Variants in ENDOU observed in about 807,000 individuals in gnomAD.
The protein encoded by ENDOU is endonuclease, poly(U) specific.
ENDOU carries 49 observed loss-of-function variants against 54.2 expected under a neutral mutation model. The observed-to-expected ratio is 0.90, with a 90% CI of 0.72 to 1.15. ENDOU has a LOEUF of 1.15. ENDOU is among the 50% of genes most tolerant of loss of function. ENDOU has a pLI of 0.00. For missense variants in ENDOU, 458 were observed against 511.4 expected (o/e 0.90, Z 1.01); for synonymous variants, 172 against 190.5 (o/e 0.90, Z 0.80).
chr12:47,717,993 G>T (rs752551882), intron 3 of ENDOU, 136 bp downstream of exon 3: 1 of 805,208 alleles, frequency 1.2e-6, no homozygotes, highest in Non-Finnish European at 2.0e-6. Context: ...TCCTGCCCAG[G>T]TTCCCAGAAT....
intron 6 of ENDOU, among the ~76,000 whole-genome samples, chr12:47,714,352 T>C (rs1940148962): frequency 6.6e-6 from 1 of 152,232 alleles, no homozygotes; most frequent in Non-Finnish European, 1.5e-5. Flanking sequence ...GGGAATTGTA[T>C]GATAGGACCT....
chr12:47,725,392 C>A lies in ENDOU; in HGVS notation c.22G>T (p.Val8Leu). 2 of 1,614,198 alleles carry A rather than the reference C, an allele frequency of 1.2e-6. No homozygotes were observed. Among genetic ancestry groups the A allele is most frequent in the Admixed American group, 1.7e-5 (1 of 60,028 alleles). Residue 8 changes from valine to leucine, a missense_variant, in exon 1 of 10, where the codon GTA (valine) becomes TTA (leucine). Physicochemically the swap from Val to Leu is conservative, Grantham distance 32. Transcript: ENST00000422538. ...GCCAGGCCACACAGCACGGCCAATACCAGGGAGATGCAGGCCCTCATGGTG... is the reference window on the plus strand; with the variant it reads ...GCCAGGCCACACAGCACGGCCAATAACAGGGAGATGCAGGCCCTCATGGTG... MRACISLVLAVLCGLAWA... is the reference protein window; with the variant it reads MRACISLLLAVLCGLAWA...
intron 7 of ENDOU, 94 bp from the exon 8 acceptor site, chr12:47,712,716 C>T: frequency 2.3e-6 from 2 of 887,550 alleles, no homozygotes; most frequent in Admixed American, 2.1e-5. Flanking sequence ...CTTCCCCCTT[C>T]TCCAGTCTCT....
In ENDOU at chr12:47,718,203, A is replaced by T; in HGVS notation, c.179-9T>A. On this transcript the variant is annotated splice_polypyrimidine_tract_variant and intron_variant, in intron 2 of 9. Coordinates refer to ENST00000422538, the MANE Select transcript of ENDOU (RefSeq NM_001172439.2). ...TGACTCTTTGTGGTCCTCTGCAGGT[A>T]GATAGAAAAATAAAGTCACCAACAA... 8 of 1,570,756 alleles carry T rather than the reference A, an allele frequency of 5.1e-6. No individual in the cohort carries two copies. Among genetic ancestry groups the T allele is most frequent in the Non-Finnish European group, 6.9e-6 (8 of 1,155,804 alleles).
intron 3 of ENDOU, 157 bp from the exon 4 acceptor site, chr12:47,717,812 A>G: frequency 1.4e-6 from 1 of 712,190 alleles, no homozygotes; most frequent in Non-Finnish European, 2.3e-6. Context: ...CACCCTTCAC[A>G]GTCAGGAAGT....
intron 1 of ENDOU, among the ~76,000 whole-genome samples, chr12:47,722,533 A>G (rs1364969444): frequency 5.9e-5 from 9 of 152,240 alleles, no homozygotes; most frequent in Non-Finnish European, 8.8e-5. Context: ...CCATAGAAGT[A>G]TTTGTTAGGT....
chr12:47,709,984 T>C lies in ENDOU; in HGVS notation c.*818A>G, dbSNP rs1565728933. 6.8e-6 allele frequency: 1 copy of C among 147,440 alleles called. No individual in the cohort carries two copies. The highest frequency in any genetic ancestry group is 1.5e-5 in the Non-Finnish European group (1 of 66,942). The allele number at this position is 147,440 out of a possible 1,614,324, so 9.1% of individuals were successfully genotyped here. A position where few individuals can be genotyped will look rare whatever the true frequency, so the allele number is the denominator to read the frequency against. On this transcript the variant is annotated 3_prime_UTR_variant, in exon 10 of 10. Coordinates refer to ENST00000422538, the MANE Select transcript of ENDOU (RefSeq NM_001172439.2). The stretch of plus-strand genomic sequence containing the variant: ...TCCTTCTTCTTCTGATGCTGAATCA[T>C]CCTCCTATGAGGAGAACTCTTTCAA...
At chr12:47,711,800 G>A in intron 8 of ENDOU, 25 bp from the exon 9 acceptor site, 1 of 1,613,632 alleles carries the variant, frequency 6.2e-7, no homozygotes, top group African/African-American at 1.3e-5. Flanking sequence ...GCAGAAAAGG[G>A]GGTCTGGTGA....
rs774260062 is a variant in ENDOU at position 47,713,407 on chromosome 12, G to A, written c.752-19C>T. ...TAGCGATCTGCAGAGGAACACAAAG[G>A]GTTTTGGAGAGGGGAGGCAGGGCCA... On this transcript the variant is annotated intron_variant, in intron 6 of 9. Coordinates refer to ENST00000422538, the MANE Select transcript of ENDOU (RefSeq NM_001172439.2). The A allele has an allele frequency of 2.5e-6, 4 of 1,597,654 alleles. No homozygotes were observed. The highest frequency in any genetic ancestry group is 3.3e-5 in the Admixed American group (2 of 59,980).
intron 9 of ENDOU, 148 bp downstream of exon 9, chr12:47,711,485 T>G (rs1939998128): frequency 2.1e-6 from 2 of 958,344 alleles, no homozygotes; most frequent in Admixed American, 5.8e-5. Context: ...ACTTAATTGT[T>G]CAAGCAAGAG....
chr12:47,725,489 A>T lies in ENDOU; in HGVS notation c.-76T>A. 1.4e-6 allele frequency: 2 copies of T among 1,415,250 alleles called. No individual in the cohort carries two copies. The highest frequency in any genetic ancestry group is 1.8e-4 in the Middle Eastern group (1 of 5,706). 87.7% of individuals were successfully genotyped at this position (1,415,250 alleles called of 1,614,324 possible). A position where few individuals can be genotyped will look rare whatever the true frequency, so the allele number is the denominator to read the frequency against. On this transcript the variant is annotated 5_prime_UTR_variant, in exon 1 of 10. Transcript: ENST00000422538. ...GTCAGATGAATGTCACAGCTCTCAG[A>T]CGAGCCTTATTCCTCAAGCTGATCC...
chr12:47,718,458 T>C (rs1238534208), intron 2 of ENDOU, among the ~76,000 whole-genome samples: 1 of 152,202 alleles, frequency 6.6e-6, no homozygotes, highest in Non-Finnish European at 1.5e-5. Context: ...GATTGAAAAC[T>C]CTGACTTCGG....
At chr12:47,711,554 C>T in intron 9 of ENDOU, 79 bp downstream of exon 9, 1 of 1,491,474 alleles carries the variant, frequency 6.7e-7, no homozygotes, top group African/African-American at 1.4e-5. Flanking sequence ...TGGCAGAGTC[C>T]AGGTCTCTTG....
At chr12:47,719,975 A>G (rs1248151046) in intron 2 of ENDOU, 1 of 152,230 alleles carries the variant, frequency 6.6e-6, no homozygotes, top group Admixed American at 6.5e-5. Context: ...TTGCTGCTTA[A>G]CTAGGTTCCC....
chr12:47,720,734 G>T lies in ENDOU; in HGVS notation c.178+19C>A, dbSNP rs1038262344. Reference sequence around the variant, plus strand: ...CCTTAGACAGGCTGGACATGCCTTCGTCTCACAAGGAGGCTCACCAGTACA... The same window carrying T: ...CCTTAGACAGGCTGGACATGCCTTCTTCTCACAAGGAGGCTCACCAGTACA... On this transcript the variant is annotated intron_variant, in intron 2 of 9. Coordinates refer to ENST00000422538, the MANE Select transcript of ENDOU (RefSeq NM_001172439.2). 3 of 1,535,292 alleles carry T rather than the reference G, an allele frequency of 2.0e-6. No homozygotes were observed. In the East Asian group the frequency reaches 7.3e-5, roughly 38 times the overall value.
At chr12:47,717,821 G>A in intron 3 of ENDOU, 166 bp from the exon 4 acceptor site, 1 of 690,844 alleles carries the variant, frequency 1.4e-6, no homozygotes, top group Non-Finnish European at 2.4e-6. Flanking sequence ...CAGTCAGGAA[G>A]TCCTTTCTGA....
chr12:47,712,598 G>C lies in ENDOU; in HGVS notation c.890C>G (p.Thr297Ser), dbSNP rs761893146. ...FSGEVKKGKV[T>S]GFHNWIRFYL... Reference sequence around the variant, plus strand: ...GAAGCGGATCCAGTTATGGAAGCCAGTAACCTTGCCTTTTTTTACCTCACC... The same window carrying C: ...GAAGCGGATCCAGTTATGGAAGCCACTAACCTTGCCTTTTTTTACCTCACC... The change falls in exon 8 of 10, where the codon ACT (threonine) becomes AGT (serine). Residue 297 changes from threonine (T) to serine (S), a missense_variant. Physicochemically the swap from Thr to Ser is moderately conservative, Grantham distance 58 (BLOSUM62 1). Coordinates refer to ENST00000422538, the MANE Select transcript of ENDOU (RefSeq NM_001172439.2). 6.2e-7 allele frequency: 1 copy of C among 1,614,048 alleles called. No individual in the cohort carries two copies. The highest frequency in any genetic ancestry group is 1.7e-5 in the Admixed American group (1 of 60,014).
At chr12:47,713,024 A>G (rs1940086537) in intron 7 of ENDOU, among the ~76,000 whole-genome samples, 1 of 152,074 alleles carries the variant, frequency 6.6e-6, no homozygotes, top group Admixed American at 6.5e-5. Context: ...CTTGTCCTAG[A>G]TGTACCCCCT....
At chr12:47,719,944 C>G (rs2136685821) in intron 2 of ENDOU, 1 of 152,330 alleles carries the variant, frequency 6.6e-6, no homozygotes, top group Admixed American at 6.5e-5. Flanking sequence ...GAGAAGGATA[C>G]AGACTGGATT....
Sources: gnomAD v4.1 joint callset for allele counts (sites outside exome capture counted in the v4.1 genomes callset) on GRCh38, gnomAD v4.1.1 for gene constraint, MANE v1.5 for transcripts, NCBI Gene and HGNC (gene_info 2026-07-23, HGNC 2026-07-21) for gene names.